FLT3: variants seen among roughly 807,000 people sequenced by gnomAD.
FLT3 encodes fms related receptor tyrosine kinase 3, also known as receptor-type tyrosine-protein kinase FLT3.
In FLT3, 46 loss-of-function variants were observed where a neutral mutation model predicts 126.6. The observed-to-expected ratio is 0.36, with a 90% CI of 0.29 to 0.46. FLT3 has a LOEUF of 0.46. Among genes scored for constraint, FLT3 ranks in the 20% least tolerant of loss-of-function variants. FLT3 has a pLI of 1.00. For synonymous variants in FLT3, 404 were observed against 434.4 expected, an observed-to-expected ratio of 0.93 and a Z score of 0.87; for missense variants, 1,069 against 1,190.3, an observed-to-expected ratio of 0.90 and a Z score of 1.50.
At chr13:28,028,751 T>C (rs186387463) in intron 15 of FLT3, among the ~76,000 whole-genome samples, 1 of 104,186 alleles carries the variant, frequency 9.6e-6, no homozygotes, top group African/African-American at 3.2e-5. Context: ...TAAGACAGAA[T>C]TTCTCCTTTT....
intron 20 of FLT3, among the ~76,000 whole-genome samples, chr13:28,017,826 A>G (rs1872023035): frequency 6.6e-6 from 1 of 151,980 alleles, no homozygotes; most frequent in South Asian, 2.1e-4. Context: ...CACCACGCCC[A>G]GCTAATTTTT....
At chr13:28,060,105 C>A (rs1216021103) in intron 3 of FLT3, among the ~76,000 whole-genome samples, 1 of 150,018 alleles carries the variant, frequency 6.7e-6, no homozygotes, top group African/African-American at 2.5e-5. Context: ...CTTAAAAAAT[C>A]CCAAATAGAC....
chr13:28,029,786 C>T (rs967795621), intron 15 of FLT3, among the ~76,000 whole-genome samples: 1 of 152,208 alleles, frequency 6.6e-6, no homozygotes, highest in Non-Finnish European at 1.5e-5. Context: ...AGAAATAAAA[C>T]TGCCAAGCAG....
chr13:28,029,584 C>A (rs556630078), intron 15 of FLT3, among the ~76,000 whole-genome samples: 1 of 152,204 alleles, frequency 6.6e-6, no homozygotes, highest in South Asian at 2.1e-4. Flanking sequence ...GAGAAACGTC[C>A]TTTTTGTTTG....
chr13:28,046,688 T>A (rs549360515), intron 9 of FLT3, among the ~76,000 whole-genome samples: 5 of 152,092 alleles, frequency 3.3e-5, no homozygotes, highest in African/African-American at 1.2e-4. Flanking sequence ...CTCGACCACC[T>A]GGGCTCAATC....
intron 3 of FLT3, among the ~76,000 whole-genome samples, chr13:28,060,223 T>C (rs545759178): frequency 1.1e-4 from 16 of 140,324 alleles, no homozygotes; most frequent in Non-Finnish European, 2.1e-4. Flanking sequence ...GATGAAACCC[T>C]GTCTCTACTA....
At chr13:28,091,283 G>C (rs796889325) in intron 1 of FLT3, among the ~76,000 whole-genome samples, 2 of 126,596 alleles carry the variant, frequency 1.6e-5, no homozygotes, top group Non-Finnish European at 3.2e-5. Context: ...GTGCAGTGGC[G>C]CGATCTCGGC....
chr13:28,024,353 G>C (rs145804011), intron 18 of FLT3, among the ~76,000 whole-genome samples: 1 of 151,932 alleles, frequency 6.6e-6, no homozygotes, highest in Non-Finnish European at 1.5e-5. Context: ...GGCTGGTCTT[G>C]AACTCCTGAC....
At chr13:28,089,509 T>C (rs553709127) in intron 1 of FLT3, among the ~76,000 whole-genome samples, 2 of 152,196 alleles carry the variant, frequency 1.3e-5, no homozygotes, top group East Asian at 3.9e-4. Flanking sequence ...ATCCATACAA[T>C]AGGATACTAC....
chr13:28,074,749 C>A (rs879388358), intron 1 of FLT3, among the ~76,000 whole-genome samples: 1 of 152,068 alleles, frequency 6.6e-6, no homozygotes, highest in Non-Finnish European at 1.5e-5. Context: ...CAAGCCATCC[C>A]CCCACCTTAG....
chr13:28,084,387 C>T (rs764265755), intron 1 of FLT3, among the ~76,000 whole-genome samples: 3 of 151,996 alleles, frequency 2.0e-5, no homozygotes, highest in Non-Finnish European at 4.4e-5. Context: ...TTGAGTCTCA[C>T]TCGTCACCCA....
chr13:28,092,982 T>C (rs1192991704), intron 1 of FLT3, among the ~76,000 whole-genome samples: 1 of 145,178 alleles, frequency 6.9e-6, no homozygotes, highest in African/African-American at 2.6e-5. Flanking sequence ...AGTACAGTGG[T>C]GTGATCTCGG....
chr13:28,004,626 T>C (rs1870723471), intron 23 of FLT3, among the ~76,000 whole-genome samples: 1 of 152,178 alleles, frequency 6.6e-6, no homozygotes, highest in Non-Finnish European at 1.5e-5. Flanking sequence ...ACTTTTAAAA[T>C]GTTTAAACTG....
intron 3 of FLT3, 93 bp downstream of exon 3, chr13:28,061,772 CAA>C: frequency 4.3e-5 from 35 of 805,424 alleles, no homozygotes; most frequent in Middle Eastern, 3.6e-4. Flanking sequence ...CCCTGACTCA[CAA>C]AAAAAAAAGG....
intron 1 of FLT3, among the ~76,000 whole-genome samples, chr13:28,087,270 A>C (rs1171227412): frequency 3.3e-5 from 5 of 151,930 alleles, no homozygotes; most frequent in Non-Finnish European, 7.4e-5. Context: ...GTGGATTGCT[A>C]TGTTGCCCAG....
Position 28,015,721 on chromosome 13 carries a change from G to C in FLT3, c.2542-20C>G. On this transcript the variant is annotated intron_variant, in intron 20 of 23. Transcript: ENST00000241453. ...ACGGGCCTGTGGAAAACCCAGAGGA[G>C]ATAAGATGGTGAATTTTCCACATAC... The C allele has an allele frequency of 6.8e-7, 1 of 1,463,872 alleles. No homozygotes were observed. The highest frequency in any genetic ancestry group is 1.1e-5 in the South Asian group (1 of 87,152). The allele number at this position is 1,463,872 out of a possible 1,614,324, so 90.7% of individuals were successfully genotyped here.
At chr13:28,074,394 GA>G (rs1161209698) in intron 1 of FLT3, among the ~76,000 whole-genome samples, 1 of 152,112 alleles carries the variant, frequency 6.6e-6, no homozygotes, top group Non-Finnish European at 1.5e-5. Context: ...TCTTAATATG[GA>G]TATATACTTT....
intron 9 of FLT3, among the ~76,000 whole-genome samples, chr13:28,046,110 T>A (rs1874853107): frequency 6.6e-6 from 1 of 152,066 alleles, no homozygotes; most frequent in African/African-American, 2.4e-5. Flanking sequence ...CAAAGAATTA[T>A]CCAGCTCAAC....
intron 15 of FLT3, among the ~76,000 whole-genome samples, chr13:28,031,027 C>G (rs1045832284): frequency 2.0e-5 from 3 of 152,046 alleles, no homozygotes; most frequent in African/African-American, 7.2e-5. Context: ...GAGATCAAGA[C>G]CATCCTGGCT....
Sources: allele counts gnomAD v4.1 joint callset (sites outside exome capture counted in the v4.1 genomes callset), GRCh38; gene constraint gnomAD v4.1.1; transcripts MANE v1.5; gene names NCBI Gene and HGNC (gene_info 2026-07-23, HGNC 2026-07-21).